The following PKIG variants were observed in gnomAD, a reference collection of about 807,000 sequenced individuals.
PKIG encodes the protein protein kinase (cAMP-dependent, catalytic) inhibitor gamma.
In PKIG, 1 loss-of-function variant was observed where a neutral mutation model predicts 6.8. The ratio of observed to expected loss-of-function variants is 0.15; its 90% CI spans 0.05 to 0.69. PKIG has a LOEUF of 0.69. Ranked by LOEUF, PKIG falls within the 30% of genes least tolerant of loss-of-function variation. The probability of loss-of-function intolerance (pLI) is 0.82; values close to 1 mark genes in which losing one functional copy is unlikely to be tolerated. For synonymous variants in PKIG, 39 were observed against 43.0 expected (o/e 0.91, Z 0.36); for missense variants, 77 against 104.0 (o/e 0.74, Z 1.13).
intron 2 of PKIG, among the ~76,000 whole-genome samples, chr20:44,613,584 CT>C (rs1333892266): frequency 6.6e-6 from 1 of 152,202 alleles, no homozygotes; most frequent in Non-Finnish European, 1.5e-5. Context: ...GCAAACCACA[CT>C]TCTGTCCACC....
intron 1 of PKIG, among the ~76,000 whole-genome samples, chr20:44,558,923 G>A (rs1039296384): frequency 1.3e-5 from 2 of 151,776 alleles, no homozygotes; most frequent in African/African-American, 4.8e-5. Context: ...AGCTAATAAA[G>A]CTCCTTCTGC....
chr20:44,618,196 T>C (rs542464868), intron 3 of PKIG, 89 bp from the exon 4 acceptor site: 1 of 834,814 alleles, frequency 1.2e-6, no homozygotes, highest in Admixed American at 1.7e-5. Context: ...TATCCACTGC[T>C]ATCAGTTTGG....
In PKIG at chr20:44,544,638, C is replaced by T. The variant is rs1285163097; in HGVS notation, c.-241+12660C>T. 3.3e-5 allele frequency among the ~76,000 whole-genome samples: 5 copies of T among 152,182 alleles called. No individual in the cohort carries two copies. In the East Asian group the frequency reaches 9.6e-4, roughly 29 times the overall value. ...GGCAGAGGACACCCTTTAAAGTACCCTAAGTCCCAACCACCATGTTCAGTT... is the reference window on the plus strand; with the variant it reads ...GGCAGAGGACACCCTTTAAAGTACCTTAAGTCCCAACCACCATGTTCAGTT... On this transcript the variant is annotated intron_variant, in intron 1 of 4. Transcript: ENST00000372887.
At chr20:44,557,502 G>T (rs1446333039) in intron 1 of PKIG, among the ~76,000 whole-genome samples, 1 of 141,920 alleles carries the variant, frequency 7.0e-6, no homozygotes, top group East Asian at 2.0e-4. Context: ...CTCCAGCTGG[G>T]TGACAGGTGA....
At chr20:44,594,898 T>G (rs956384184) in intron 2 of PKIG, among the ~76,000 whole-genome samples, 1 of 152,250 alleles carries the variant, frequency 6.6e-6, no homozygotes, top group Non-Finnish European at 1.5e-5. Context: ...ACTATTTGGC[T>G]GCTTATCAGC....
chr20:44,556,831 TC>T (rs1188931781), intron 1 of PKIG, among the ~76,000 whole-genome samples: 1 of 152,168 alleles, frequency 6.6e-6, no homozygotes, highest in African/African-American at 2.4e-5. Context: ...GGTTTAAGTC[TC>T]CTTCATAAGA....
At chr20:44,611,500 A>G (rs1360516637) in intron 2 of PKIG, among the ~76,000 whole-genome samples, 1 of 148,346 alleles carries the variant, frequency 6.7e-6, no homozygotes, top group Non-Finnish European at 1.5e-5. Context: ...CCACTGTTGT[A>G]TTCTCTCCTT....
chr20:44,556,282 T>C (rs1042430431), intron 1 of PKIG, among the ~76,000 whole-genome samples: 2 of 152,268 alleles, frequency 1.3e-5, no homozygotes, highest in Non-Finnish European at 2.9e-5. Flanking sequence ...ATATATCACA[T>C]TATCCCACAT....
chr20:44,584,167 G>A (rs934136921), intron 1 of PKIG, among the ~76,000 whole-genome samples: 2 of 152,090 alleles, frequency 1.3e-5, no homozygotes, highest in African/African-American at 2.4e-5. Flanking sequence ...CTACTTATAT[G>A]TTTTCATATT....
At chr20:44,592,117 C>A (rs903041996) in intron 2 of PKIG, among the ~76,000 whole-genome samples, 1 of 152,210 alleles carries the variant, frequency 6.6e-6, no homozygotes, top group Admixed American at 6.5e-5. Flanking sequence ...CACTTACATC[C>A]TTCTCAGCCT....
intron 1 of PKIG, chr20:44,585,297 C>G (rs765419568): frequency 6.6e-5 from 10 of 152,370 alleles, no homozygotes; most frequent in Non-Finnish European, 1.3e-4. Flanking sequence ...GCTGATCTCT[C>G]CCACCTCAGT....
At chr20:44,590,957 T>C (rs1198973057) in intron 2 of PKIG, among the ~76,000 whole-genome samples, 1 of 152,238 alleles carries the variant, frequency 6.6e-6, no homozygotes, top group South Asian at 2.1e-4. Flanking sequence ...GGAAAAGTTT[T>C]TTTCATTTTT....
intron 2 of PKIG, among the ~76,000 whole-genome samples, chr20:44,607,375 A>AT (rs1484119006): frequency 0.12 from 12,395 of 105,252 alleles, 948 homozygotes; most frequent in East Asian, 0.25. Context: ...ATATATATAT[A>AT]TATTTTTTTT....
At chr20:44,586,928 T>C (rs1308049108) in intron 1 of PKIG, among the ~76,000 whole-genome samples, 1 of 152,238 alleles carries the variant, frequency 6.6e-6, no homozygotes, top group East Asian at 1.9e-4. Flanking sequence ...TCTTTAATGT[T>C]TCAAGAAATT....
chr20:44,532,014 C>G (rs945511019), intron 1 of PKIG: 13 of 152,226 alleles, frequency 8.5e-5, no homozygotes, highest in African/African-American at 2.7e-4. Context: ...GCGGCCCCAA[C>G]GCTCCGGGCC....
intron 2 of PKIG, among the ~76,000 whole-genome samples, chr20:44,612,480 G>A (rs758305806): frequency 6.6e-6 from 1 of 152,116 alleles, no homozygotes; most frequent in African/African-American, 2.4e-5. Flanking sequence ...GGTCTGCGAG[G>A]TAGCCAGAGT....
chr20:44,589,120 T>A (rs1427062307), intron 1 of PKIG, among the ~76,000 whole-genome samples: 1 of 152,186 alleles, frequency 6.6e-6, no homozygotes, highest in Non-Finnish European at 1.5e-5. Flanking sequence ...GTATACTTTT[T>A]AAAAATGTGC....
chr20:44,574,396 A>G (rs2064878490), intron 1 of PKIG, among the ~76,000 whole-genome samples: 1 of 152,170 alleles, frequency 6.6e-6, no homozygotes, highest in South Asian at 2.1e-4. Context: ...AAAACTAGAA[A>G]GAATAGTATA....
intron 2 of PKIG, among the ~76,000 whole-genome samples, chr20:44,599,173 G>A (rs2065099135): frequency 6.6e-6 from 1 of 152,136 alleles, no homozygotes. Context: ...TGAAGCTGGG[G>A]GCAGGGGAAA....
Sources: allele counts gnomAD v4.1 joint callset (sites outside exome capture counted in the v4.1 genomes callset), GRCh38; gene constraint gnomAD v4.1.1; transcripts MANE v1.5; gene names NCBI Gene and HGNC (gene_info 2026-07-23, HGNC 2026-07-21).